Variants in GMDS observed in about 807,000 individuals in gnomAD.
GMDS encodes GDP-mannose 4,6 dehydratase.
GMDS carries 20 observed loss-of-function variants against 49.9 expected under a neutral mutation model. The observed-to-expected ratio is 0.40, with a 90% CI of 0.28 to 0.58. The LOEUF (loss-of-function observed/expected upper bound fraction) is 0.58. Ranked by LOEUF, GMDS falls within the 20% of genes least tolerant of loss-of-function variation. The probability of loss-of-function intolerance (pLI) is 0.42; values close to 1 mark genes in which losing one functional copy is unlikely to be tolerated. For synonymous variants in GMDS, 177 were observed against 178.6 expected (o/e 0.99, Z 0.07); for missense variants, 362 against 481.4 (o/e 0.75, Z 2.32).
At chr6:2,160,465 T>C (rs1326002742) in intron 1 of GMDS, among the ~76,000 whole-genome samples, 1 of 152,244 alleles carries the variant, frequency 6.6e-6, no homozygotes, top group Non-Finnish European at 1.5e-5. Context: ...ACTCCAACTT[T>C]ATTAACTCTT....
In GMDS at chr6:2,020,025, G is replaced by T. The variant is rs187029205; in HGVS notation, c.346-59059C>A. Among the ~76,000 whole-genome samples, 28 of 152,260 alleles carry T rather than the reference G, an allele frequency of 1.8e-4. 2 individuals are homozygous for T. The highest frequency in any genetic ancestry group is 3.4e-3 in the Middle Eastern group (1 of 294). On this transcript the variant is annotated intron_variant, in intron 4 of 10. Transcript: ENST00000380815. ...TGGATTTTTGCATCTATTCAGAAAA[G>T]ATATTAGTATATTGTTTTCTTGTGA...
chr6:2,159,110 CAT>C (rs1777253299), intron 1 of GMDS, among the ~76,000 whole-genome samples: 1 of 152,190 alleles, frequency 6.6e-6, no homozygotes, highest in African/African-American at 2.4e-5. Flanking sequence ...GTTTCTATCA[CAT>C]GTTAAGTTAA....
chr6:2,093,910 C>T (rs1773455410), intron 4 of GMDS, among the ~76,000 whole-genome samples: 1 of 152,084 alleles, frequency 6.6e-6, no homozygotes, highest in Non-Finnish European at 1.5e-5. Flanking sequence ...TTAGGAAGAC[C>T]TGGAAAACAG....
At chr6:2,080,975 T>C (rs901936087) in intron 4 of GMDS, among the ~76,000 whole-genome samples, 1 of 152,158 alleles carries the variant, frequency 6.6e-6, no homozygotes, top group Non-Finnish European at 1.5e-5. Context: ...TGAATAATTA[T>C]AGTAGCCTCA....
At chr6:1,952,348 T>C (rs1763385420) in intron 6 of GMDS, among the ~76,000 whole-genome samples, 1 of 152,084 alleles carries the variant, frequency 6.6e-6, no homozygotes. Flanking sequence ...ATAAAAAATT[T>C]GTAAGTTAAA....
chr6:1,689,919 A>ATC (rs397820162), intron 9 of GMDS, among the ~76,000 whole-genome samples: 20 of 151,384 alleles, frequency 1.3e-4, no homozygotes, highest in Non-Finnish European at 2.1e-4. Context: ...TAGATAACAT[A>ATC]AAGCATGACC....
intron 4 of GMDS, among the ~76,000 whole-genome samples, chr6:2,037,135 T>A (rs901923628): frequency 2.0e-5 from 3 of 152,152 alleles, no homozygotes; most frequent in Non-Finnish European, 4.4e-5. Flanking sequence ...TGTCTGGGTA[T>A]CAACACTTCA....
chr6:2,063,597 C>CTACAGTT (rs1301787133), intron 4 of GMDS, among the ~76,000 whole-genome samples: 4 of 152,190 alleles, frequency 2.6e-5, no homozygotes, highest in African/African-American at 7.2e-5. Flanking sequence ...ACTGCTAACA[C>CTACAGTT]TACAGTTAAA....
chr6:1,921,902 A>G (rs950094736), intron 7 of GMDS, among the ~76,000 whole-genome samples: 10 of 152,250 alleles, frequency 6.6e-5, no homozygotes, highest in Non-Finnish European at 1.3e-4. Context: ...CCACAATGGA[A>G]AACAATAGCA....
chr6:1,992,287 C>T (rs1765996615), intron 4 of GMDS, among the ~76,000 whole-genome samples: 1 of 152,174 alleles, frequency 6.6e-6, no homozygotes, highest in African/African-American at 2.4e-5. Context: ...TGTCTAAAAT[C>T]TCCTCACTAA....
At chr6:1,937,697 T>C (rs1762617346) in intron 6 of GMDS, among the ~76,000 whole-genome samples, 1 of 152,242 alleles carries the variant, frequency 6.6e-6, no homozygotes, top group South Asian at 2.1e-4. Context: ...ATGTGGACAC[T>C]TGTCATTAGA....
chr6:1,636,859 G>A lies in GMDS; in HGVS notation c.988-12319C>T, dbSNP rs1763167674. 2.0e-5 allele frequency among the ~76,000 whole-genome samples: 3 copies of A among 152,372 alleles called. No homozygotes were observed. The South Asian group carries it at 6.2e-4, about 32-fold the overall frequency. On this transcript the variant is annotated intron_variant, in intron 9 of 10. Transcript: ENST00000380815. ...GTGGAAGGCAGCAGGGAGGAGAGGT[G>A]AGGCCTAGGCCTGGCCCTGTAGCAC...
intron 1 of GMDS, among the ~76,000 whole-genome samples, chr6:2,153,787 A>G (rs970276482): frequency 2.6e-5 from 4 of 152,212 alleles, no homozygotes; most frequent in Non-Finnish European, 1.5e-5. Flanking sequence ...AGAATTTTAG[A>G]CTAAGAATAT....
chr6:1,672,022 C>T (rs1764448555), intron 9 of GMDS, among the ~76,000 whole-genome samples: 2 of 152,136 alleles, frequency 1.3e-5, no homozygotes, highest in Non-Finnish European at 2.9e-5. Context: ...ATTTTTGCAT[C>T]AACCCAATAA....
intron 9 of GMDS, among the ~76,000 whole-genome samples, chr6:1,643,197 G>A (rs1384307958): frequency 6.6e-6 from 1 of 152,178 alleles, no homozygotes; most frequent in African/African-American, 2.4e-5. Context: ...CTCCAAGGGT[G>A]CCCTCATAGA....
intron 1 of GMDS, among the ~76,000 whole-genome samples, chr6:2,224,208 T>G (rs1780721728): frequency 6.6e-6 from 1 of 152,186 alleles, no homozygotes; most frequent in African/African-American, 2.4e-5. Context: ...ACATAGTGAC[T>G]GAAGCCACTG....
At chr6:2,199,884 ATGAG>A (rs1182042376) in intron 1 of GMDS, among the ~76,000 whole-genome samples, 1 of 152,242 alleles carries the variant, frequency 6.6e-6, no homozygotes, top group Admixed American at 6.5e-5. Context: ...AAATAAATAA[ATGAG>A]TGAGAAGTCT....
intron 7 of GMDS, among the ~76,000 whole-genome samples, chr6:1,911,305 G>A (rs879793277): frequency 2.0e-5 from 3 of 152,118 alleles, no homozygotes; most frequent in Non-Finnish European, 4.4e-5. Context: ...GTTGAGTCAG[G>A]CTACATCCCA....
intron 9 of GMDS, among the ~76,000 whole-genome samples, chr6:1,628,925 A>G (rs918891580): frequency 6.6e-6 from 1 of 152,232 alleles, no homozygotes; most frequent in Admixed American, 6.5e-5. Flanking sequence ...GAATAAAAGA[A>G]TGCCAGTGAA....
Sources: allele counts gnomAD v4.1 joint callset (sites outside exome capture counted in the v4.1 genomes callset), GRCh38; gene constraint gnomAD v4.1.1; transcripts MANE v1.5; gene names NCBI Gene and HGNC (gene_info 2026-07-23, HGNC 2026-07-21).